MANSC4: variants seen among roughly 807,000 people sequenced by gnomAD.
MANSC4 encodes the protein MANSC domain-containing protein 4.
Under a neutral mutation model 11.4 loss-of-function variants are expected in MANSC4, and 11 were observed. That is an observed-to-expected ratio of 0.97 (90% CI 0.61 to 1.60). MANSC4 has a LOEUF of 1.60. Among genes scored for constraint, MANSC4 ranks in the 40% most tolerant of loss-of-function variants. The pLI is 0.00. For synonymous variants in MANSC4, 123 were observed against 147.1 expected (o/e 0.84, Z 1.19); for missense variants, 354 against 404.6 (o/e 0.88, Z 1.07).
chr12:27,765,519 G>T (rs2062068501), intron 3 of MANSC4, among the ~76,000 whole-genome samples: 1 of 152,128 alleles, frequency 6.6e-6, no homozygotes, highest in Non-Finnish European at 1.5e-5. Context: ...CTCTCCTGTG[G>T]CATAATATAG....
At chr12:27,766,574 A>G in intron 3 of MANSC4, 91 bp downstream of exon 3, 1 of 1,360,500 alleles carries the variant, frequency 7.4e-7, no homozygotes, top group East Asian at 2.5e-5. Context: ...AGGGACTCAC[A>G]TATGGCTATT....
chr12:27,769,997 C>G (rs908139229), intron 2 of MANSC4, among the ~76,000 whole-genome samples: 12 of 152,188 alleles, frequency 7.9e-5, no homozygotes, highest in Non-Finnish European at 1.5e-4. Flanking sequence ...AGTCTACACG[C>G]AGATTCCATG....
chr12:27,768,223 C>T (rs933939695), intron 2 of MANSC4, among the ~76,000 whole-genome samples: 9 of 150,100 alleles, frequency 6.0e-5, no homozygotes, highest in African/African-American at 1.7e-4. Flanking sequence ...CATGGCGAAA[C>T]GTCGTCTCTA....
At chr12:27,763,880 G>A (rs1380934982) in intron 3 of MANSC4, among the ~76,000 whole-genome samples, 1 of 151,812 alleles carries the variant, frequency 6.6e-6, no homozygotes, top group Non-Finnish European at 1.5e-5. Flanking sequence ...ACAGGTGTGC[G>A]CCACCACGCC....
rs79703822 is a variant in MANSC4, at chr12:27,763,174, G to A, written c.587C>T (p.Thr196Ile). 6.2e-4 allele frequency: 962 copies of A among 1,551,682 alleles called. 4 individuals carry two copies. The African/African-American group carries it at 0.011, about 18-fold the overall frequency. ...AGTAAATCTTGCCCAAAAATCTGTG[G>A]TTAATTCCTTAGAATAACTGGTACT... ...TNSTSYSKEL[T>I]TDFWARFTSL... Residue 196 changes from threonine to isoleucine, a missense_variant, in exon 4 of 4, where the codon ACC (threonine) becomes ATC (isoleucine). Physicochemically the swap from Thr to Ile is moderately conservative, Grantham distance 89. Transcript: ENST00000381273.
At chr12:27,769,394 G>A (rs1039085911) in intron 2 of MANSC4, among the ~76,000 whole-genome samples, 15 of 152,170 alleles carry the variant, frequency 9.9e-5, no homozygotes, top group African/African-American at 3.6e-4. Context: ...GTGCCTTCCT[G>A]TTCTTTCTTG....
At chr12:27,766,098 T>C (rs2062071166) in intron 3 of MANSC4, among the ~76,000 whole-genome samples, 1 of 151,888 alleles carries the variant, frequency 6.6e-6, no homozygotes, top group African/African-American at 2.4e-5. Context: ...AGGCAGATTC[T>C]TGCTCTGTCA....
At chr12:27,775,451 C>T (rs980408529) in intron 1 of MANSC4, among the ~76,000 whole-genome samples, 5 of 152,144 alleles carry the variant, frequency 3.3e-5, no homozygotes, top group African/African-American at 9.7e-5. Context: ...AGGTGGGGCC[C>T]ATGAGGTTGA....
rs2140794361 is a variant in MANSC4, at chr12:27,762,838, C to A, written c.923G>T (p.Gly308Val). Residue 308 changes from glycine (G) to valine (V), a missense_variant, in exon 4 of 4, where the codon GGA (glycine) becomes GTA (valine). Gly to Val is a moderately radical substitution (Grantham distance 109). Coordinates refer to ENST00000381273, the MANE Select transcript of MANSC4 (RefSeq NM_001146221.5). ...CTGGCCCTGCTGCTTTCCACAGCAT[C>A]CAGATGCCAGGATGACTATACAACA... The part of the protein sequence containing the change: ...LGCCIVILAS[G>V]CCGKQQGQYK... 6.4e-7 allele frequency: 1 copy of A among 1,551,938 alleles called. No individual in the cohort carries two copies. Among genetic ancestry groups the A allele is most frequent in the Middle Eastern group, 1.7e-4 (1 of 5,996 alleles).
chr12:27,766,829 C>A, intron 2 of MANSC4, 30 bp from the exon 3 acceptor site: 2 of 1,546,350 alleles, frequency 1.3e-6, no homozygotes, highest in Non-Finnish European at 1.7e-6. Flanking sequence ...AGTACATCTG[C>A]AGATGGTCTC....
chr12:27,778,642 G>A (rs2062129155), intron 1 of MANSC4, among the ~76,000 whole-genome samples: 1 of 151,960 alleles, frequency 6.6e-6, no homozygotes, highest in Admixed American at 6.6e-5. Context: ...CTTGGTTTGG[G>A]GTAAGTTTTC....
intron 2 of MANSC4, 22 bp downstream of exon 2, chr12:27,771,026 C>G: frequency 6.6e-7 from 1 of 1,521,318 alleles, no homozygotes; most frequent in Non-Finnish European, 8.8e-7. Context: ...TATTTTTGCC[C>G]AAGCATATCA....
At chr12:27,766,355 C>T (rs748542596) in intron 3 of MANSC4, among the ~76,000 whole-genome samples, 115 of 152,232 alleles carry the variant, frequency 7.6e-4, no homozygotes, top group Non-Finnish European at 3.7e-4. Context: ...CATGAGCCAC[C>T]GCGCCTGGCC....
chr12:27,766,341 C>T (rs972269949), intron 3 of MANSC4, among the ~76,000 whole-genome samples: 1 of 152,188 alleles, frequency 6.6e-6, no homozygotes, highest in Non-Finnish European at 1.5e-5. Context: ...GCTGGGATTA[C>T]AGGCATGAGC....
At chr12:27,767,595 C>T (rs770085435) in intron 2 of MANSC4, among the ~76,000 whole-genome samples, 1 of 151,968 alleles carries the variant, frequency 6.6e-6, no homozygotes, top group Non-Finnish European at 1.5e-5. Context: ...CCCAGCTACT[C>T]GAGAGGCTGA....
chr12:27,763,461 G>A (rs886100655), intron 3 of MANSC4, 65 bp from the exon 4 acceptor site: 3 of 1,430,836 alleles, frequency 2.1e-6, no homozygotes, highest in South Asian at 1.5e-5. Context: ...CTAAAGCACA[G>A]TTTGGAGAAG....
intron 2 of MANSC4, 120 bp from the exon 3 acceptor site, chr12:27,766,919 T>C (rs977959131): frequency 1.0e-6 from 1 of 999,316 alleles, no homozygotes; most frequent in Non-Finnish European, 1.4e-6. Context: ...TTCAGGGCAA[T>C]ATGCAGACAT....
chr12:27,767,146 A>G (rs1428354078), intron 2 of MANSC4, among the ~76,000 whole-genome samples: 1 of 151,884 alleles, frequency 6.6e-6, no homozygotes, highest in African/African-American at 2.4e-5. Context: ...TGCTGGGCTA[A>G]TTTTTGTATT....
chr12:27,762,876 G>C lies in MANSC4; in HGVS notation c.885C>G (p.Val295=). ...TGACTATACAACAGCCGAGAAAGAT[G>C]ACAGAGGTGCAAAGGGCCACAGAAA... ...WLVSVALCTS[V]IFLGCCIVIL... is the part of the protein sequence containing the mutation. The change falls in exon 4 of 4, where the codon GTC becomes GTG. Residue 295 remains valine (V), a synonymous_variant. Coordinates refer to ENST00000381273, the MANE Select transcript of MANSC4 (RefSeq NM_001146221.5). The C allele has an allele frequency of 6.4e-7, 1 of 1,552,152 alleles. No individual in the cohort carries two copies. The highest frequency in any genetic ancestry group is 8.7e-7 in the Non-Finnish European group (1 of 1,147,110).
Sources: gnomAD v4.1 joint callset for allele counts (sites outside exome capture counted in the v4.1 genomes callset) on GRCh38, gnomAD v4.1.1 for gene constraint, MANE v1.5 for transcripts, NCBI Gene and HGNC (gene_info 2026-07-23, HGNC 2026-07-21) for gene names.